The following MSH6 variants were observed in gnomAD, a reference collection of about 807,000 sequenced individuals.
MSH6 encodes mutS homolog 6, also known as DNA mismatch repair protein Msh6.
Under a neutral mutation model 119.1 loss-of-function variants are expected in MSH6, and 85 were observed. That is an observed-to-expected ratio of 0.71 (90% CI 0.60 to 0.85). MSH6 has a LOEUF of 0.85. Among genes scored for constraint, MSH6 ranks in the 40% least tolerant of loss-of-function variants. MSH6 has a pLI of 0.00. For missense variants in MSH6, 2,163 were observed against 1,655.3 expected (o/e 1.31, Z -5.32); for synonymous variants, 830 against 586.9 (o/e 1.41, Z -5.99).
intron 4 of MSH6, 97 bp downstream of exon 4, chr2:47,801,252 T>G: frequency 7.5e-7 from 1 of 1,337,340 alleles, no homozygotes; most frequent in Non-Finnish European, 1.0e-6. Context: ...GTATATATGG[T>G]ACATATTTTG....
intron 4 of MSH6, among the ~76,000 whole-genome samples, chr2:47,801,940 G>A (rs771522569): frequency 3.9e-5 from 6 of 151,998 alleles, no homozygotes; most frequent in African/African-American, 1.2e-4. Flanking sequence ...CACCGCTCCC[G>A]GCCCAAAAGA....
intron 2 of MSH6, among the ~76,000 whole-genome samples, chr2:47,793,737 CT>C (rs1321229070): frequency 5.1e-4 from 74 of 146,342 alleles, no homozygotes; most frequent in Non-Finnish European, 4.7e-4. Context: ...GGCAGAATTA[CT>C]TTTTTTTTTT....
intron 7 of MSH6, 27 bp from the exon 8 acceptor site, chr2:47,806,177 T>C (rs763950463): frequency 7.4e-6 from 12 of 1,611,252 alleles, no homozygotes; most frequent in Non-Finnish European, 9.3e-6. Flanking sequence ...TTTGAGTTAC[T>C]TCCTTATGCA....
chr2:47,803,299 G>T, intron 4 of MSH6, 121 bp from the exon 5 acceptor site: 5 of 1,306,534 alleles, frequency 3.8e-6, no homozygotes, highest in Non-Finnish European at 5.5e-6. Context: ...GGAGATCGTT[G>T]GACTGTAATT....
At chr2:47,809,928 G>A (rs1391932019), downstream of MSH6, 1 of 525,332 alleles carries the variant, frequency 1.9e-6, no homozygotes, top group African/African-American at 2.0e-5. Flanking sequence ...CAACCTAACT[G>A]TCTTAAAGTT....
At chr2:47,808,275 GA>G, downstream of MSH6, 1 of 1,612,562 alleles carries the variant, frequency 6.2e-7, no homozygotes, top group Non-Finnish European at 8.5e-7. Context: ...CCAAATATTA[GA>G]AAAGTGAGGG....
chr2:47,788,035 A>G (rs1260082465), intron 1 of MSH6, among the ~76,000 whole-genome samples: 2 of 152,122 alleles, frequency 1.3e-5, no homozygotes, highest in Non-Finnish European at 2.9e-5. Context: ...ATTTTGAGAA[A>G]TGTTTAAAAT....
intron 1 of MSH6, chr2:47,783,852 C>T (rs1405591879): frequency 1.3e-6 from 1 of 758,516 alleles, no homozygotes; most frequent in Non-Finnish European, 1.5e-6. Context: ...GGTGGGAGCA[C>T]TGGGGGTGGG....
At chr2:47,790,474 T>G (rs1249889078) in intron 1 of MSH6, among the ~76,000 whole-genome samples, 1 of 152,198 alleles carries the variant, frequency 6.6e-6, no homozygotes, top group Non-Finnish European at 1.5e-5. Context: ...TCCAAGCAAG[T>G]CTAATGAATT....
chr2:47,794,778 A>C (rs143772152), intron 2 of MSH6, among the ~76,000 whole-genome samples: 73 of 152,122 alleles, frequency 4.8e-4, no homozygotes, highest in African/African-American at 1.7e-3. Context: ...CTGACAGTGT[A>C]GTCTTTGTCT....
In MSH6 at chr2:47,806,887, G is replaced by GACTTCTGACAAA; in HGVS notation, c.*28_*39dup. ...CTGACTACATTGGAAGCTTTGAGTT[G>GACTTCTGACAAA]ACTTCTGACAAAGGTGGTAAATTCA... On this transcript the variant is annotated 3_prime_UTR_variant, in exon 10 of 10. Coordinates refer to ENST00000234420, the MANE Select transcript of MSH6 (RefSeq NM_000179.3). 1 of 1,522,500 alleles carries GACTTCTGACAAA rather than the reference G, an allele frequency of 6.6e-7. No homozygotes were observed. Among genetic ancestry groups the GACTTCTGACAAA allele is most frequent in the Non-Finnish European group, 9.1e-7 (1 of 1,097,816 alleles). 94.3% of individuals were successfully genotyped at this position (1,522,500 alleles called of 1,614,324 possible). A position where few individuals can be genotyped will look rare whatever the true frequency, so the allele number is the denominator to read the frequency against.
At chr2:47,809,605 A>G (rs1426316695), downstream of MSH6, 14 of 1,609,704 alleles carry the variant, frequency 8.7e-6, no homozygotes, top group Non-Finnish European at 1.2e-5. Flanking sequence ...CATACCTTTC[A>G]TTGTCACATT....
downstream of MSH6, chr2:47,808,867 T>G (rs185737873): frequency 3.5e-6 from 1 of 288,120 alleles, no homozygotes; most frequent in Non-Finnish European, 6.4e-6. Context: ...TTATGGTCTT[T>G]GTTTTGTTTT....
downstream of MSH6, chr2:47,809,434 A>G (rs980908515): frequency 3.0e-5 from 21 of 691,370 alleles, 1 homozygote; most frequent in Admixed American, 9.3e-5. Flanking sequence ...TTTTCCTTGT[A>G]TAAGATACTC....
At chr2:47,803,105 A>G (rs573191147) in intron 4 of MSH6, among the ~76,000 whole-genome samples, 3 of 152,176 alleles carry the variant, frequency 2.0e-5, no homozygotes, top group African/African-American at 7.2e-5. Context: ...TTTAGTAGAG[A>G]CGAGGTTTCA....
chr2:47,799,206 C>T lies in MSH6; in HGVS notation c.1223C>T (p.Pro408Leu), dbSNP rs767404845. Residue 408 changes from proline (P) to leucine (L), a missense_variant, in exon 4 of 10, where the codon CCT (proline) becomes CTT (leucine). Pro to Leu is a moderately conservative substitution (Grantham distance 98). Coordinates refer to ENST00000234420, the MANE Select transcript of MSH6 (RefSeq NM_000179.3). ...GAGGATTTCCTCAATTCTTGTACTC[C>T]TGGGATGAGGAAGTGGTGGCAGATT... ...VPEDFLNSCT[P>L]GMRKWWQIKS... 6.2e-7 allele frequency: 1 copy of T among 1,614,128 alleles called. No homozygotes were observed. Among genetic ancestry groups the T allele is most frequent in the Admixed American group, 1.7e-5 (1 of 60,018 alleles).
chr2:47,801,674 T>C, intron 4 of MSH6, among the ~76,000 whole-genome samples: 1 of 152,002 alleles, frequency 6.6e-6, no homozygotes, highest in East Asian at 1.9e-4. Flanking sequence ...TGGCCCTTTC[T>C]TCAGTCTTTA....
downstream of MSH6, chr2:47,809,468 GTTTC>G: frequency 1.3e-6 from 1 of 745,044 alleles, no homozygotes; most frequent in Non-Finnish European, 2.1e-6. Context: ...CCAAAGCTCT[GTTTC>G]TTTCAAAATC....
rs774249402 is a variant in MSH6 at position 47,806,242 on chromosome 2, A to T, written c.3685A>T (p.Asn1229Tyr). The change falls in exon 8 of 10, where the codon AAT becomes TAT. Residue 1229 changes from asparagine (N) to tyrosine (Y), a missense_variant. Coordinates refer to ENST00000234420, the MANE Select transcript of MSH6 (RefSeq NM_000179.3). ...AACATTTGATGGGACGGCAATAGCA[A>T]ATGCAGTTGTTAAAGAACTTGCTGA... ...TATFDGTAIA[N>Y]AVVKELAETI... 1 of 1,614,156 alleles carries T rather than the reference A, an allele frequency of 6.2e-7. No individual in the cohort carries two copies. Among genetic ancestry groups the T allele is most frequent in the African/African-American group, 1.3e-5 (1 of 75,076 alleles).
Sources: allele counts gnomAD v4.1 joint callset (sites outside exome capture counted in the v4.1 genomes callset), GRCh38; gene constraint gnomAD v4.1.1; transcripts MANE v1.5; gene names NCBI Gene and HGNC (gene_info 2026-07-23, HGNC 2026-07-21).